The following ARID4B variants were observed in gnomAD, a reference collection of about 807,000 sequenced individuals.
The protein encoded by ARID4B is AT-rich interaction domain 4B, also known as AT-rich interactive domain-containing protein 4B.
ARID4B carries 26 observed loss-of-function variants against 147.5 expected under a neutral mutation model. The observed-to-expected ratio is 0.18, with a 90% CI of 0.13 to 0.24. The LOEUF (loss-of-function observed/expected upper bound fraction) is 0.24. Ranked by LOEUF, ARID4B falls within the 10% of genes least tolerant of loss-of-function variation. The pLI is 1.00. For missense variants in ARID4B, 1,179 were observed against 1,511.5 expected, an observed-to-expected ratio of 0.78 and a Z score of 3.65; for synonymous variants, 512 against 507.9, an observed-to-expected ratio of 1.01 and a Z score of -0.11.
intron 2 of ARID4B, among the ~76,000 whole-genome samples, chr1:235,296,775 T>TAAA (rs1211104009): frequency 1.4e-5 from 1 of 69,294 alleles, no homozygotes; most frequent in African/African-American, 5.2e-5. Context: ...TTACTCTAAT[T>TAAA]AAAAAAAAAA....
intron 19 of ARID4B, among the ~76,000 whole-genome samples, chr1:235,186,303 T>C (rs1664678371): frequency 6.6e-6 from 1 of 152,154 alleles, no homozygotes; most frequent in Non-Finnish European, 1.5e-5. Context: ...CTTCCTAGAT[T>C]AATACATTAT....
At chr1:235,186,877 T>A (rs1664720083) in intron 19 of ARID4B, among the ~76,000 whole-genome samples, 1 of 151,200 alleles carries the variant, frequency 6.6e-6, no homozygotes, top group South Asian at 2.1e-4. Flanking sequence ...AATATTTTTA[T>A]TAGAGACACG....
chr1:235,320,040 T>C (rs901387398), intron 2 of ARID4B, among the ~76,000 whole-genome samples: 1 of 151,600 alleles, frequency 6.6e-6, no homozygotes, highest in Non-Finnish European at 1.5e-5. Flanking sequence ...GGCAGGAGAA[T>C]CGCTTGAACC....
intron 2 of ARID4B, among the ~76,000 whole-genome samples, chr1:235,295,530 G>A (rs899908821): frequency 6.7e-6 from 1 of 149,322 alleles, no homozygotes. Context: ...AAAAAAAAAA[G>A]GCCAGGCACG....
intron 19 of ARID4B, among the ~76,000 whole-genome samples, chr1:235,189,528 C>G (rs1282357502): frequency 1.4e-5 from 2 of 147,654 alleles, no homozygotes; most frequent in East Asian, 4.0e-4. Context: ...TAATAAAAAG[C>G]AAGAAATTAA....
At chr1:235,171,219 CAA>C (rs929391214) in intron 23 of ARID4B, among the ~76,000 whole-genome samples, 1 of 152,052 alleles carries the variant, frequency 6.6e-6, no homozygotes, top group Non-Finnish European at 1.5e-5. Flanking sequence ...ATCACGAAGT[CAA>C]GAGATCGAGC....
intron 22 of ARID4B, among the ~76,000 whole-genome samples, chr1:235,173,769 AAAATATAT>A (rs1439255526): frequency 7.9e-5 from 3 of 38,160 alleles, no homozygotes; most frequent in South Asian, 1.3e-3. Context: ...AAAAAAAAAA[AAAATATAT>A]ATATATATAT....
intron 2 of ARID4B, among the ~76,000 whole-genome samples, chr1:235,271,169 A>G (rs1247240494): frequency 6.6e-6 from 1 of 152,114 alleles, no homozygotes; most frequent in East Asian, 1.9e-4. Context: ...CCTGGGCAAC[A>G]TAGCGAGACT....
At chr1:235,230,411 A>C (rs544796903) in intron 10 of ARID4B, among the ~76,000 whole-genome samples, 2 of 146,330 alleles carry the variant, frequency 1.4e-5, no homozygotes, top group Admixed American at 6.9e-5. Flanking sequence ...TCCATCTCAA[A>C]AAAACAAAAC....
In ARID4B at chr1:235,240,332, G is replaced by T; in HGVS notation, c.566C>A (p.Ala189Glu). 6.2e-7 allele frequency: 1 copy of T among 1,612,732 alleles called. No homozygotes were observed. Among genetic ancestry groups the T allele is most frequent in the East Asian group, 2.2e-5 (1 of 44,738 alleles). ...ACTCACCAATGCAGGAAACCACAGT[G>T]CTTTCTTTTTATCCAAACTAATGTA... Reference protein sequence around the residue: ...VDYISLDKKKALWFPALVVCP... With the variant: ...VDYISLDKKKELWFPALVVCP... The change falls in exon 8 of 24, where the codon GCA becomes GAA. Residue 189 changes from alanine (A) to glutamate (E), a missense_variant. Coordinates refer to ENST00000264183, the MANE Select transcript of ARID4B (RefSeq NM_016374.6).
At position 235,220,250 on chromosome 1, in the gene ARID4B, T is replaced by C. The variant is rs1333491519; in HGVS notation, c.1407+52A>G. On this transcript the variant is annotated intron_variant, in intron 15 of 23. Coordinates refer to ENST00000264183, the MANE Select transcript of ARID4B (RefSeq NM_016374.6). ...ATTGATTTTGGAACTTTATAGAGGA[T>C]ATGGAAAATATACCAAAGAAAGCAA... 1.5e-5 allele frequency: 23 copies of C among 1,498,858 alleles called. No homozygotes were observed. The East Asian group carries it at 4.5e-4, about 30-fold the overall frequency. 92.8% of individuals were successfully genotyped at this position (1,498,858 alleles called of 1,614,324 possible).
At chr1:235,212,016 G>C (rs1462919443) in intron 17 of ARID4B, among the ~76,000 whole-genome samples, 1 of 152,078 alleles carries the variant, frequency 6.6e-6, no homozygotes, top group Non-Finnish European at 1.5e-5. Flanking sequence ...CCAGCACTTT[G>C]GGAGGCCAAG....
intron 23 of ARID4B, 145 bp downstream of exon 23, chr1:235,172,473 G>A (rs1405903551): frequency 6.1e-6 from 3 of 494,154 alleles, no homozygotes; most frequent in Non-Finnish European, 1.0e-5. Context: ...AGCTACTTAG[G>A]AAGCTGAGGT....
intron 11 of ARID4B, 31 bp from the exon 12 acceptor site, chr1:235,224,806 C>A (rs1292173759): frequency 2.8e-6 from 4 of 1,429,288 alleles, no homozygotes; most frequent in Non-Finnish European, 3.9e-6. Flanking sequence ...ATATTATTTT[C>A]TTCAATTAAG....
chr1:235,198,976 G>A (rs1167279850), intron 17 of ARID4B, among the ~76,000 whole-genome samples: 1 of 152,142 alleles, frequency 6.6e-6, no homozygotes, highest in Non-Finnish European at 1.5e-5. Flanking sequence ...GCGCATGCCT[G>A]TAATCCTAGC....
chr1:235,291,981 T>A (rs991639109), intron 2 of ARID4B, among the ~76,000 whole-genome samples: 3 of 152,146 alleles, frequency 2.0e-5, no homozygotes, highest in Non-Finnish European at 4.4e-5. Context: ...ATTTAACAAT[T>A]GGAGGTAAAA....
At chr1:235,271,111 G>A (rs1670955722) in intron 2 of ARID4B, among the ~76,000 whole-genome samples, 2 of 152,048 alleles carry the variant, frequency 1.3e-5, no homozygotes, top group Non-Finnish European at 2.9e-5. Context: ...CCAGCACTTC[G>A]GGAGACCAAG....
chr1:235,266,802 GCTGGCTAACA>G (rs1670638667), intron 2 of ARID4B, among the ~76,000 whole-genome samples: 1 of 152,152 alleles, frequency 6.6e-6, no homozygotes, highest in South Asian at 2.1e-4. Flanking sequence ...TCTTCAAATG[GCTGGCTAACA>G]CAGACACTGA....
chr1:235,194,596 G>A (rs1369433643), intron 18 of ARID4B, among the ~76,000 whole-genome samples: 1 of 152,086 alleles, frequency 6.6e-6, no homozygotes, highest in Non-Finnish European at 1.5e-5. Context: ...CGCGGCAGGT[G>A]GATCACCTGA....
Sources: allele counts gnomAD v4.1 joint callset (sites outside exome capture counted in the v4.1 genomes callset), GRCh38; gene constraint gnomAD v4.1.1; transcripts MANE v1.5; gene names NCBI Gene and HGNC (gene_info 2026-07-23, HGNC 2026-07-21).